DMD: variants seen among roughly 807,000 people sequenced by gnomAD.
DMD encodes the protein dystrophin.
Under a neutral mutation model 330.1 loss-of-function variants are expected in DMD, and 63 were observed. The observed-to-expected ratio is 0.19, with a 90% CI of 0.16 to 0.24. The LOEUF is 0.24. Among genes scored for constraint, DMD ranks in the 10% least tolerant of loss-of-function variants. DMD has a pLI of 1.00. For missense variants in DMD, 3,344 were observed against 2,684.1 expected (o/e 1.25, Z -5.43); for synonymous variants, 1,223 against 959.8 (o/e 1.27, Z -5.07).
intron 55 of DMD, among the ~76,000 whole-genome samples, chrX:31,608,166 C>T (rs948203219): frequency 8.9e-6 from 1 of 112,064 alleles, no homozygotes; most frequent in South Asian, 3.7e-4. Flanking sequence ...TTCATGTTCA[C>T]TATTTTCATA....
At chrX:31,721,718 C>CTCTCTCTATA (rs1227959078) in intron 52 of DMD, among the ~76,000 whole-genome samples, 7 of 56,481 alleles carry the variant, frequency 1.2e-4, no homozygotes, top group East Asian at 1.0e-3. Context: ...CTCTCTCTCT[C>CTCTCTCTATA]TATATATATA....
intron 17 of DMD, among the ~76,000 whole-genome samples, chrX:32,532,281 A>G (rs2047555024): frequency 8.9e-6 from 1 of 112,264 alleles, no homozygotes; most frequent in Admixed American, 9.5e-5. Context: ...AGAGTCAATG[A>G]TACTTCAGAA....
chrX:32,416,018 G>C (rs1442571017), intron 29 of DMD, among the ~76,000 whole-genome samples: 1 of 111,711 alleles, frequency 9.0e-6, no homozygotes, highest in Non-Finnish European at 1.9e-5. Context: ...TAAAAATAAT[G>C]TACTAACCTT....
intron 55 of DMD, among the ~76,000 whole-genome samples, chrX:31,585,323 CAAAAAAA>C (rs1213158531): frequency 2.8e-5 from 1 of 36,121 alleles, no homozygotes; most frequent in Non-Finnish European, 4.8e-5. Flanking sequence ...GACCCTGTCT[CAAAAAAA>C]AAAAAAAAAA....
chrX:32,087,620 T>G (rs947849152), intron 44 of DMD, among the ~76,000 whole-genome samples: 8 of 112,257 alleles, frequency 7.1e-5, no homozygotes, highest in Non-Finnish European at 1.3e-4. Flanking sequence ...ATTCTCCTGA[T>G]GACTGGTTCT....
chrX:32,446,781 C>A (rs1044469939), intron 27 of DMD, among the ~76,000 whole-genome samples: 1 of 109,751 alleles, frequency 9.1e-6, no homozygotes, highest in Admixed American at 9.7e-5. Context: ...ATGTTTCCAC[C>A]ATATTATTGT....
rs57784155 is a variant in DMD at position 31,139,474 on chromosome X, T to TACAC, written c.10922-5284_10922-5281dup. 8.9e-3 allele frequency among the ~76,000 whole-genome samples: 876 copies of TACAC among 98,570 alleles called. 5 individuals carry two copies. Among genetic ancestry groups the TACAC allele is most frequent in the Middle Eastern group, 0.015 (3 of 200 alleles). 85.6% of individuals were successfully genotyped at this position (98,570 alleles called of 115,157 possible). ...ATGCAGTATGTACGTGGTGTTTATA[T>TACAC]ACACACACACACACACACACACACA... On this transcript the variant is annotated intron_variant, in intron 76 of 78. Transcript: ENST00000357033.
At chrX:32,616,758 A>G (rs1228689762) in intron 11 of DMD, among the ~76,000 whole-genome samples, 1 of 81,658 alleles carries the variant, frequency 1.2e-5, no homozygotes, top group Non-Finnish European at 2.2e-5. Context: ...GTTGCTAGGT[A>G]TGCTCCTTGC....
chrX:31,944,602 C>A (rs771113593), intron 45 of DMD, among the ~76,000 whole-genome samples: 1 of 106,266 alleles, frequency 9.4e-6, no homozygotes, highest in African/African-American at 3.4e-5. Flanking sequence ...TTCAGCCTCC[C>A]GAGTAGCTGG....
intron 4 of DMD, among the ~76,000 whole-genome samples, chrX:32,844,483 T>C (rs1472050160): frequency 2.8e-5 from 3 of 106,407 alleles, no homozygotes; most frequent in African/African-American, 6.8e-5. Flanking sequence ...AGAAACCGAG[T>C]TGACTGCAGG....
At chrX:32,554,939 A>AAGAAAGAAAGAG (rs1556792002) in intron 16 of DMD, among the ~76,000 whole-genome samples, 1 of 27,601 alleles carries the variant, frequency 3.6e-5, no homozygotes, top group Non-Finnish European at 5.5e-5. Context: ...GAAAGAAAGA[A>AAGAAAGAAAGAG]AGAGAGAGAG....
chrX:31,366,259 G>A (rs1364070660), intron 60 of DMD, among the ~76,000 whole-genome samples: 1 of 109,584 alleles, frequency 9.1e-6, no homozygotes, highest in Non-Finnish European at 1.9e-5. Context: ...GGCATAGGTC[G>A]TGGATGTCTC....
chrX:32,822,323 C>T (rs1052646333), intron 5 of DMD, among the ~76,000 whole-genome samples: 1 of 110,366 alleles, frequency 9.1e-6, no homozygotes, highest in African/African-American at 3.3e-5. Flanking sequence ...ATACCAAATG[C>T]CACTAAGATG....
upstream of DMD, among the ~76,000 whole-genome samples, chrX:33,212,928 G>A (rs2051973728): frequency 9.0e-6 from 1 of 111,515 alleles, no homozygotes; most frequent in Non-Finnish European, 1.9e-5. Flanking sequence ...GTCCCTCTAT[G>A]CTGTGAGGTA....
At chrX:32,573,481 A>G (rs1399539949) in intron 15 of DMD, 49 bp downstream of exon 15, 2 of 964,299 alleles carry the variant, frequency 2.1e-6, no homozygotes, top group Admixed American at 2.2e-5. Context: ...TAGTGATAAT[A>G]TACAGTACTG....
chrX:32,102,220 C>T (rs1312255421), intron 44 of DMD: 2 of 111,978 alleles, frequency 1.8e-5, no homozygotes, highest in Non-Finnish European at 3.8e-5. Flanking sequence ...AAGAAGTAAA[C>T]TCCTTTTCTT....
chrX:32,606,312 T>A (rs808523), intron 12 of DMD, among the ~76,000 whole-genome samples: 26,757 of 109,048 alleles, frequency 0.25, 2,426 homozygotes, highest in East Asian at 0.46. Context: ...CTTATTTCAC[T>A]TAACATAACG....
chrX:33,216,668 T>G (rs1263384708), intron 1 of DMD, among the ~76,000 whole-genome samples: 1 of 112,387 alleles, frequency 8.9e-6, no homozygotes, highest in African/African-American at 3.2e-5. Flanking sequence ...TAATTAGACA[T>G]ACATTTTTCA....
chrX:31,899,649 C>T (rs923491970), intron 47 of DMD, among the ~76,000 whole-genome samples: 1 of 110,729 alleles, frequency 9.0e-6, no homozygotes, highest in Middle Eastern at 4.6e-3. Flanking sequence ...TAAAATAGGA[C>T]GATATACATT....
Sources: gnomAD v4.1 joint callset for allele counts (sites outside exome capture counted in the v4.1 genomes callset) on GRCh38, gnomAD v4.1.1 for gene constraint, MANE v1.5 for transcripts, NCBI Gene and HGNC (gene_info 2026-07-23, HGNC 2026-07-21) for gene names.